ARHGEF11: variants seen among roughly 807,000 people sequenced by gnomAD.
The protein encoded by ARHGEF11 is Rho guanine exchange factor (GEF) 11.
ARHGEF11 carries 55 observed loss-of-function variants against 193.7 expected under a neutral mutation model. The ratio of observed to expected loss-of-function variants is 0.28; its 90% CI spans 0.23 to 0.36. The LOEUF (loss-of-function observed/expected upper bound fraction) is 0.36. Among genes scored for constraint, ARHGEF11 ranks in the 10% least tolerant of loss-of-function variants. The pLI, the probability that ARHGEF11 is intolerant of heterozygous loss-of-function variation, is 1.00. For missense variants in ARHGEF11, 1,723 were observed against 2,005.6 expected (o/e 0.86, Z 2.69); for synonymous variants, 693 against 768.0 (o/e 0.90, Z 1.62).
rs113431599 is a variant in ARHGEF11 at position 157,041,841 on chromosome 1, C to A, written c.32+2458G>T. Among the ~76,000 whole-genome samples, 5 of 152,238 alleles carry A rather than the reference C, an allele frequency of 3.3e-5. 1 individual carries two copies. Among genetic ancestry groups the A allele is most frequent in the African/African-American group, 1.2e-4 (5 of 41,532 alleles). On this transcript the variant is annotated intron_variant, in intron 1 of 40. Transcript: ENST00000368194. ...AAGAGTCTTACGTGTTTCCCAGTCC[C>A]CCAGTTGCATGCTCTCTCTGTGAGC...
intron 1 of ARHGEF11, among the ~76,000 whole-genome samples, chr1:157,025,994 C>T (rs1057098422): frequency 6.6e-6 from 1 of 152,168 alleles, no homozygotes; most frequent in Non-Finnish European, 1.5e-5. Flanking sequence ...GGATTCTTAT[C>T]CTTTGCCTGG....
At chr1:157,024,248 T>A (rs1291135290) in intron 1 of ARHGEF11, among the ~76,000 whole-genome samples, 1 of 152,096 alleles carries the variant, frequency 6.6e-6, no homozygotes, top group Admixed American at 6.5e-5. Flanking sequence ...AGAGATAAGG[T>A]AGACTAGTGG....
intron 1 of ARHGEF11, among the ~76,000 whole-genome samples, chr1:156,993,067 G>T (rs1665992741): frequency 6.6e-6 from 1 of 152,190 alleles, no homozygotes; most frequent in African/African-American, 2.4e-5. Flanking sequence ...CTTACCACGT[G>T]CTGTGCTAAG....
At chr1:156,981,590 T>C (rs957301211) in intron 3 of ARHGEF11, among the ~76,000 whole-genome samples, 1 of 152,128 alleles carries the variant, frequency 6.6e-6, no homozygotes, top group Non-Finnish European at 1.5e-5. Flanking sequence ...GGTCCTCCCA[T>C]CTCGGCCTCC....
At chr1:157,013,031 A>G (rs930894952) in intron 1 of ARHGEF11, among the ~76,000 whole-genome samples, 4 of 152,104 alleles carry the variant, frequency 2.6e-5, no homozygotes, top group African/African-American at 9.7e-5. Flanking sequence ...TTGACAGGGC[A>G]GTGATGTGGA....
chr1:156,998,099 C>A (rs1185241988), intron 1 of ARHGEF11, among the ~76,000 whole-genome samples: 1 of 152,220 alleles, frequency 6.6e-6, no homozygotes, highest in Admixed American at 6.5e-5. Context: ...GCACCTTCCA[C>A]ATTGTCGACC....
chr1:156,941,433 C>A lies in ARHGEF11; in HGVS notation c.3453G>T (p.Arg1151Ser). The change falls in exon 35 of 41, where the codon AGG becomes AGT. Residue 1151 changes from arginine to serine, a missense_variant and splice_region_variant. By Grantham distance (110) the Arg-to-Ser change is moderately radical. Transcript: ENST00000368194. ...ACACGTCTGAGTCATCCAGTTCTAC[C>A]CTGAGGAAGGAAACCAACACAGGAT... Reference protein sequence around the residue: ...EPAQQGPTPSRVELDDSDVFH... With the variant: ...EPAQQGPTPSSVELDDSDVFH... The A allele has an allele frequency of 6.2e-7, 1 of 1,613,668 alleles. No individual in the cohort carries two copies. The highest frequency in any genetic ancestry group is 1.1e-5 in the South Asian group (1 of 91,032).
At chr1:156,945,868 A>G in intron 29 of ARHGEF11, 177 bp downstream of exon 29, 1 of 580,312 alleles carries the variant, frequency 1.7e-6, no homozygotes, top group South Asian at 2.2e-5. Flanking sequence ...AACACCTTAT[A>G]TTTTCCAAAG....
intron 1 of ARHGEF11, among the ~76,000 whole-genome samples, chr1:156,989,415 T>C (rs1469806145): frequency 6.6e-6 from 1 of 152,124 alleles, no homozygotes; most frequent in Non-Finnish European, 1.5e-5. Flanking sequence ...ACAGACTAAC[T>C]TACTCAAATA....
Position 156,969,285 on chromosome 1 carries a change from A to G in ARHGEF11, c.822T>C (p.Ser274=), listed in dbSNP as rs1029001190. The G allele has an allele frequency of 1.0e-5, 16 of 1,597,582 alleles. No homozygotes were observed. The highest frequency in any genetic ancestry group is 1.4e-5 in the Non-Finnish European group (16 of 1,171,630). Residue 274 remains serine, a synonymous_variant, in exon 10 of 41, where the codon AGT becomes AGC. Coordinates refer to ENST00000368194, the MANE Select transcript of ARHGEF11 (RefSeq NM_198236.3). The stretch of plus-strand genomic sequence containing the variant: ...GCCTTGCCCTGCTGGGACTCACCTC[A>G]CTGAGGGAAGGAAAGCGTTCTGTCC... ...DSGTERFPSL[S]ESLMNRNSVL... is the part of the protein sequence containing the mutation.
intron 21 of ARHGEF11, among the ~76,000 whole-genome samples, chr1:156,953,939 A>G (rs1275882266): frequency 6.6e-6 from 1 of 152,220 alleles, no homozygotes; most frequent in Non-Finnish European, 1.5e-5. Flanking sequence ...CAAACGTCAA[A>G]AGAGATGGAG....
intron 3 of ARHGEF11, among the ~76,000 whole-genome samples, chr1:156,983,837 A>T (rs1447676247): frequency 6.6e-6 from 1 of 152,244 alleles, no homozygotes; most frequent in Non-Finnish European, 1.5e-5. Context: ...ATTTCCCCTG[A>T]CATCACATCC....
chr1:157,046,894 C>A (rs1260468976), upstream of ARHGEF11, among the ~76,000 whole-genome samples: 1 of 151,718 alleles, frequency 6.6e-6, no homozygotes, highest in Non-Finnish European at 1.5e-5. Flanking sequence ...GCCTGTAATC[C>A]CAGCTACTCG....
chr1:156,954,881 G>T lies in ARHGEF11; in HGVS notation c.1798+11C>A, dbSNP rs1217993912. 2 of 1,605,872 alleles carry T rather than the reference G, an allele frequency of 1.2e-6. No homozygotes were observed. Among genetic ancestry groups the T allele is most frequent in the Admixed American group, 1.7e-5 (1 of 58,834 alleles). ...ATGCAAAGACAAACCCAAATAAAATGGTCCTTTTACCTTCCACAGGGGACA... is the reference window on the plus strand; with the variant it reads ...ATGCAAAGACAAACCCAAATAAAATTGTCCTTTTACCTTCCACAGGGGACA... On this transcript the variant is annotated intron_variant, in intron 21 of 40. Transcript: ENST00000368194.
intron 1 of ARHGEF11, among the ~76,000 whole-genome samples, chr1:157,011,875 C>T (rs1668586408): frequency 6.6e-6 from 1 of 152,112 alleles, no homozygotes; most frequent in South Asian, 2.1e-4. Flanking sequence ...TAATACATTG[C>T]TGGTGGGAAT....
intron 1 of ARHGEF11, among the ~76,000 whole-genome samples, chr1:157,035,846 TATATATTTAGGA>T (rs1671892819): frequency 7.5e-6 from 1 of 132,478 alleles, no homozygotes; most frequent in Non-Finnish European, 1.6e-5. Flanking sequence ...TATATATATG[TATATATTTAGGA>T]ATATATATAG....
rs1228445425 is a variant in ARHGEF11 at position 157,044,829 on chromosome 1, T to C, written c.-499A>G. On this transcript the variant is annotated 5_prime_UTR_variant, in exon 1 of 41. The change creates a new upstream start codon in the 5' untranslated region. Transcript: ENST00000368194. ...TAATTTTCTAGTCTCCAATGCTTAATATGACAACAGCAAATATCTTTGAGG... is the reference window on the plus strand; with the variant it reads ...TAATTTTCTAGTCTCCAATGCTTAACATGACAACAGCAAATATCTTTGAGG... 2 of 283,392 alleles carry C rather than the reference T, an allele frequency of 7.1e-6. No homozygotes were observed. The highest frequency in any genetic ancestry group is 1.3e-5 in the Non-Finnish European group (2 of 155,474). 17.6% of individuals were successfully genotyped at this position (283,392 alleles called of 1,614,324 possible).
rs570575811 is a variant in ARHGEF11 at position 156,978,110 on chromosome 1, C to T, written c.510+94G>A. On this transcript the variant is annotated intron_variant, in intron 6 of 40. Transcript: ENST00000368194. ...TGTCTTTTGGCTTGTCTCTGTTTAC[C>T]ACAGCCCCACTGGATTTAACTTGCT... is the stretch of plus-strand genomic sequence containing the variant. 3.9e-4 allele frequency: 606 copies of T among 1,538,082 alleles called. No individual in the cohort carries two copies. In the African/African-American group the frequency reaches 7.0e-3, roughly 18 times the overall value.
intron 9 of ARHGEF11, among the ~76,000 whole-genome samples, chr1:156,969,737 C>A (rs1662253947): frequency 6.6e-6 from 1 of 152,252 alleles, no homozygotes; most frequent in Non-Finnish European, 1.5e-5. Flanking sequence ...AGCTGTCAGG[C>A]AAGCTGCTGT....
Sources: allele counts gnomAD v4.1 joint callset (sites outside exome capture counted in the v4.1 genomes callset), GRCh38; gene constraint gnomAD v4.1.1; transcripts MANE v1.5; gene names NCBI Gene and HGNC (gene_info 2026-07-23, HGNC 2026-07-21).